SERHL2: variants seen among roughly 807,000 people sequenced by gnomAD.
SERHL2 encodes the protein serine hydrolase like 2.
In SERHL2, 29 loss-of-function variants were observed where a neutral mutation model predicts 25.5. That is an observed-to-expected ratio of 1.14 (90% CI 0.85 to 1.55). SERHL2 has a LOEUF of 1.55. SERHL2 is among the 40% of genes most tolerant of loss of function. The pLI is 0.00. For synonymous variants in SERHL2, 95 were observed against 103.5 expected (o/e 0.92, Z 0.50); for missense variants, 240 against 252.3 (o/e 0.95, Z 0.33).
chr22:42,563,018 A>T (rs1439977465), intron 8 of SERHL2, among the ~76,000 whole-genome samples: 2 of 151,686 alleles, frequency 1.3e-5, no homozygotes, highest in East Asian at 1.9e-4. Flanking sequence ...ATATAGGGAG[A>T]CACCCCCATC....
intron 7 of SERHL2, among the ~76,000 whole-genome samples, chr22:42,559,880 C>G (rs1207005258): frequency 1.3e-5 from 2 of 151,918 alleles, no homozygotes; most frequent in African/African-American, 2.4e-5. Flanking sequence ...GGCACAATCT[C>G]AGCTCACTGC....
rs574326292 is a variant in SERHL2 at position 42,560,110 on chromosome 22, C to T, written c.534-76C>T. On this transcript the variant is annotated intron_variant, in intron 7 of 11. Transcript: ENST00000327678. The stretch of plus-strand genomic sequence containing the variant: ...TACAGGCATGAGCCACCGTCCCCCC[C>T]GGCCCTCCTCTCCTTTTTATCTGAC... 25 of 1,091,236 alleles carry T rather than the reference C, an allele frequency of 2.3e-5. 1 individual carries two copies. The highest frequency in any genetic ancestry group is 6.2e-5 in the South Asian group (5 of 80,120). The allele number at this position is 1,091,236 out of a possible 1,614,324, so 67.6% of individuals were successfully genotyped here.
intron 11 of SERHL2, chr22:42,572,825 C>T (rs1454214792): frequency 5.8e-6 from 3 of 518,876 alleles, no homozygotes; most frequent in Non-Finnish European, 5.0e-6. Flanking sequence ...CCACCATGCC[C>T]AGCTAATTTT....
At chr22:42,561,932 C>T (rs1183233969) in intron 8 of SERHL2, among the ~76,000 whole-genome samples, 1 of 151,798 alleles carries the variant, frequency 6.6e-6, no homozygotes, top group Admixed American at 6.6e-5. Context: ...GTGAGCTAAT[C>T]TGGAATGAGG....
chr22:42,566,498 T>G lies in SERHL2; in HGVS notation c.648+160T>G, dbSNP rs570655530. 4.6e-5 allele frequency among the ~76,000 whole-genome samples: 7 copies of G among 151,372 alleles called. 1 individual carries two copies. Among genetic ancestry groups the G allele is most frequent in the South Asian group, 2.1e-4 (1 of 4,820 alleles). On this transcript the variant is annotated intron_variant, in intron 9 of 11. Coordinates refer to ENST00000327678, the MANE Select transcript of SERHL2 (RefSeq NM_014509.5). ...GCTTGAATGGGAGGCAGAGGTTGCA[T>G]TGAGCCGAGATAGCACCACTGCACT...
At chr22:42,559,726 A>G (rs898110665) in intron 7 of SERHL2, among the ~76,000 whole-genome samples, 2 of 151,544 alleles carry the variant, frequency 1.3e-5, no homozygotes, top group East Asian at 1.9e-4. Flanking sequence ...CTCACAAAGA[A>G]AAAAAAAGAA....
intron 8 of SERHL2, among the ~76,000 whole-genome samples, chr22:42,560,526 C>T (rs927523739): frequency 1.3e-5 from 2 of 151,794 alleles, no homozygotes; most frequent in Non-Finnish European, 2.9e-5. Context: ...GTGTCTTGGA[C>T]TAAATGTTGG....
At chr22:42,571,525 A>C in intron 10 of SERHL2, 1 of 1,087,002 alleles carries the variant, frequency 9.2e-7, no homozygotes, top group Non-Finnish European at 1.1e-6. Flanking sequence ...TCCTGGATTC[A>C]AACGATTCTC....
chr22:42,570,373 G>A (rs1007366148), intron 9 of SERHL2, among the ~76,000 whole-genome samples: 10 of 151,986 alleles, frequency 6.6e-5, no homozygotes, highest in Admixed American at 2.0e-4. Flanking sequence ...AACTGAGATC[G>A]CGCCATTGCA....
chr22:42,560,761 G>A (rs966778176), intron 8 of SERHL2, among the ~76,000 whole-genome samples: 4 of 151,876 alleles, frequency 2.6e-5, no homozygotes, highest in African/African-American at 7.3e-5. Flanking sequence ...TATGAGACAA[G>A]GTCTCGCTCT....
chr22:42,559,151 TTGGGAAGCTGAGG>T (rs1353573686), intron 7 of SERHL2, among the ~76,000 whole-genome samples: 2 of 93,538 alleles, frequency 2.1e-5, no homozygotes, highest in African/African-American at 5.5e-5. Context: ...TCCCAGCACA[TTGGGAAGCTGAGG>T]TGGGAAGATA....
At chr22:42,566,184 G>A in intron 8 of SERHL2, 120 bp from the exon 9 acceptor site, 1 of 960,648 alleles carries the variant, frequency 1.0e-6, no homozygotes, top group Non-Finnish European at 1.6e-6. Context: ...GGACGTCGGG[G>A]GCAGGTGGGA....
intron 11 of SERHL2, among the ~76,000 whole-genome samples, chr22:42,572,985 C>T (rs1274979836): frequency 1.3e-5 from 2 of 151,854 alleles, no homozygotes; most frequent in Non-Finnish European, 2.9e-5. Context: ...GCACATTTTA[C>T]AGGCTCCCAA....
At chr22:42,563,182 CTT>C (rs916641877) in intron 8 of SERHL2, among the ~76,000 whole-genome samples, 1 of 125,708 alleles carries the variant, frequency 8.0e-6, no homozygotes, top group Non-Finnish European at 1.6e-5. Flanking sequence ...CTGGCTTTTT[CTT>C]TTTTTCTTTT....
chr22:42,561,924 G>C (rs997140381), intron 8 of SERHL2, among the ~76,000 whole-genome samples: 2 of 151,782 alleles, frequency 1.3e-5, no homozygotes, highest in South Asian at 4.2e-4. Flanking sequence ...GCACAGAAGT[G>C]AGCTAATCTG....
At chr22:42,560,378 C>T in intron 8 of SERHL2, 113 bp downstream of exon 8, 2 of 752,726 alleles carry the variant, frequency 2.7e-6, no homozygotes, top group South Asian at 3.1e-5. Context: ...AACAGCATCT[C>T]ACTGAATCCC....
chr22:42,572,216 G>T (rs137049), intron 10 of SERHL2, among the ~76,000 whole-genome samples: 24,358 of 152,004 alleles, frequency 0.16, 2,766 homozygotes, highest in African/African-American at 0.3. Flanking sequence ...GAAAGGCTGT[G>T]CCTTCAGCAT....
rs1424618238 is a variant in SERHL2 at position 42,574,066 on chromosome 22, G to A, written c.*11G>A. On this transcript the variant is annotated 3_prime_UTR_variant, in exon 12 of 12. Coordinates refer to ENST00000327678, the MANE Select transcript of SERHL2 (RefSeq NM_014509.5). ...CCAGCCCAGCTGTAGCTCTGGGCCT[G>A]GAACTATGAAGACCTAGTGCTCCCA... is the stretch of plus-strand genomic sequence containing the variant. The A allele has an allele frequency of 6.2e-6, 10 of 1,611,790 alleles. No individual in the cohort carries two copies. Among genetic ancestry groups the A allele is most frequent in the Non-Finnish European group, 8.5e-6 (10 of 1,178,428 alleles).
intron 11 of SERHL2, chr22:42,573,722 C>T: frequency 3.2e-6 from 2 of 615,398 alleles, no homozygotes; most frequent in South Asian, 3.8e-5. Flanking sequence ...GCCTAGACCC[C>T]TGGGAGGCCT....
Sources: gnomAD v4.1 joint callset for allele counts (sites outside exome capture counted in the v4.1 genomes callset) on GRCh38, gnomAD v4.1.1 for gene constraint, MANE v1.5 for transcripts, NCBI Gene and HGNC (gene_info 2026-07-23, HGNC 2026-07-21) for gene names.